The following RASSF8 variants were observed in gnomAD, a reference collection of about 807,000 sequenced individuals.
RASSF8 encodes Ras association domain family member 8.
Under a neutral mutation model 48.5 loss-of-function variants are expected in RASSF8, and 22 were observed. The observed-to-expected ratio is 0.45, with a 90% CI of 0.32 to 0.65. The LOEUF (loss-of-function observed/expected upper bound fraction) is 0.65, where lower values mean the gene tolerates loss of function less well. Among genes scored for constraint, RASSF8 ranks in the 30% least tolerant of loss-of-function variants. The probability of loss-of-function intolerance (pLI) is 0.03; values close to 1 mark genes in which losing one functional copy is unlikely to be tolerated. For missense variants in RASSF8, 418 were observed against 489.2 expected (o/e 0.85, Z 1.37); for synonymous variants, 127 against 171.5 (o/e 0.74, Z 2.03).
Position 26,070,214 on chromosome 12 carries a change from G to A in RASSF8, c.*1396G>A. 1 of 968,622 alleles carries A rather than the reference G, an allele frequency of 1.0e-6. No individual in the cohort carries two copies. Among genetic ancestry groups the A allele is most frequent in the Non-Finnish European group, 1.2e-6 (1 of 814,686 alleles). 60.0% of individuals were successfully genotyped at this position (968,622 alleles called of 1,614,324 possible). A position where few individuals can be genotyped will look rare whatever the true frequency, so the allele number is the denominator to read the frequency against. On this transcript the variant is annotated 3_prime_UTR_variant, in exon 6 of 6. Coordinates refer to ENST00000689635, the MANE Select transcript of RASSF8 (RefSeq NM_001394098.1). ...ATTTACATGCAACAAAATAAAAGTG[G>A]ATTAATATAGTAATGCCATGGTAAC...
chr12:26,074,068 A>G (rs546434802), downstream of RASSF8, among the ~76,000 whole-genome samples: 8 of 152,266 alleles, frequency 5.3e-5, no homozygotes, highest in East Asian at 7.7e-4. Context: ...CAAAATACCA[A>G]TAAGTCCTAG....
downstream of RASSF8, among the ~76,000 whole-genome samples, chr12:26,074,639 G>A (rs1197769929): frequency 1.3e-5 from 2 of 151,984 alleles, no homozygotes; most frequent in Admixed American, 6.6e-5. Flanking sequence ...CACTGCACCT[G>A]GCCGGTTTAC....
intron 1 of RASSF8, among the ~76,000 whole-genome samples, chr12:25,978,158 T>A (rs1257928034): frequency 3.3e-5 from 5 of 152,162 alleles, no homozygotes; most frequent in Non-Finnish European, 4.4e-5. Context: ...CACAATTTTT[T>A]AAAAAACCAT....
At chr12:26,020,903 A>T (rs74330123) in intron 2 of RASSF8, among the ~76,000 whole-genome samples, 9,805 of 152,270 alleles carry the variant, frequency 0.064, 359 homozygotes, top group Middle Eastern at 0.13. Flanking sequence ...GTAAAACAAC[A>T]TGTGTATCTT....
At position 26,064,518 on chromosome 12, in the gene RASSF8, C is replaced by T; in HGVS notation, c.124C>T (p.Leu42Phe). ...CATAGGTCGAACTGGAAGGTACACC[C>T]TTATAGAGAAATGGAGAGATACTGA... is the stretch of plus-strand genomic sequence containing the variant. ...QAIGRTGRYT[L>F]IEKWRDTERH... The change falls in exon 4 of 6, where the codon CTT becomes TTT. Residue 42 changes from leucine to phenylalanine, a missense_variant. Physicochemically the swap from Leu to Phe is conservative, Grantham distance 22. Transcript: ENST00000689635. The T allele has an allele frequency of 6.3e-7, 1 of 1,593,536 alleles. No individual in the cohort carries two copies. The highest frequency in any genetic ancestry group is 8.6e-7 in the Non-Finnish European group (1 of 1,168,016).
chr12:26,073,746 TATACACACA>T (rs1944040583), downstream of RASSF8, among the ~76,000 whole-genome samples: 2 of 46,346 alleles, frequency 4.3e-5, no homozygotes, highest in South Asian at 1.3e-3. Flanking sequence ...TCTCTCTCTC[TATACACACA>T]CACACACACA....
intron 3 of RASSF8, among the ~76,000 whole-genome samples, chr12:26,056,499 T>C (rs1943605650): frequency 6.6e-6 from 1 of 152,204 alleles, no homozygotes; most frequent in Non-Finnish European, 1.5e-5. Context: ...TTATCAAAAG[T>C]TGATTTTATG....
In RASSF8 at chr12:25,999,021, GGCT is replaced by G. The variant is rs373521088; in HGVS notation, c.-109+3892_-109+3894del. On this transcript the variant is annotated intron_variant, in intron 2 of 5. Transcript: ENST00000689635. ...TTGAGGATCTGTTATTTGCCAGGTA[GGCT>G]TAAACAATAAACAAGACAAAGACCT... is the stretch of plus-strand genomic sequence containing the variant. 5.9e-4 allele frequency among the ~76,000 whole-genome samples: 89 copies of G among 152,100 alleles called. 1 individual carries two copies. The highest frequency in any genetic ancestry group is 2.1e-3 in the African/African-American group (88 of 41,462).
chr12:26,049,851 T>C lies in RASSF8; in HGVS notation c.-108-5385T>C, dbSNP rs749337823. Among the ~76,000 whole-genome samples the C allele has an allele frequency of 3.9e-5, 6 of 152,234 alleles. No homozygotes were observed. The South Asian group carries it at 8.3e-4, about 21-fold the overall frequency. On this transcript the variant is annotated intron_variant, in intron 2 of 5. Coordinates refer to ENST00000689635, the MANE Select transcript of RASSF8 (RefSeq NM_001394098.1). ...CAGGCTGGAGTGCAATAGTGTGATA[T>C]CTGCTCACTGCAAGCTCCGCCTCCC...
intron 1 of RASSF8, among the ~76,000 whole-genome samples, chr12:25,959,981 A>C (rs1474444572): frequency 1.3e-5 from 2 of 152,136 alleles, no homozygotes; most frequent in Non-Finnish European, 2.9e-5. Flanking sequence ...ATGAATGCAA[A>C]TCACGTCTCA....
At chr12:26,038,285 C>T (rs79792524) in intron 2 of RASSF8, among the ~76,000 whole-genome samples, 4,554 of 152,168 alleles carry the variant, frequency 0.03, 97 homozygotes, top group Middle Eastern at 0.051. Context: ...ACAATGAAGA[C>T]CACAAAAATA....
In RASSF8 at chr12:26,072,429, T is replaced by G; in HGVS notation, c.*3611T>G. On this transcript the variant is annotated 3_prime_UTR_variant, in exon 6 of 6. Transcript: ENST00000689635. ...GCTGCAGGAGCTCTTTTCAATGCAT[T>G]TTATATATTTTTAGAAACCAAATAA... The G allele has an allele frequency of 1.0e-6, 1 of 975,604 alleles. No homozygotes were observed. Among genetic ancestry groups the G allele is most frequent in the Non-Finnish European group, 1.2e-6 (1 of 821,040 alleles). The allele number at this position is 975,604 out of a possible 1,614,324, so 60.4% of individuals were successfully genotyped here. A position where few individuals can be genotyped will look rare whatever the true frequency, so the allele number is the denominator to read the frequency against.
intron 2 of RASSF8, among the ~76,000 whole-genome samples, chr12:26,001,494 T>G (rs1032625816): frequency 1.3e-5 from 2 of 152,206 alleles, no homozygotes; most frequent in African/African-American, 4.8e-5. Flanking sequence ...ACAAATACAT[T>G]GTACAGCTGT....
chr12:26,014,372 G>A (rs2137035726), intron 2 of RASSF8, among the ~76,000 whole-genome samples: 1 of 152,254 alleles, frequency 6.6e-6, no homozygotes, highest in Non-Finnish European at 1.5e-5. Context: ...AAACGTATGT[G>A]CTATCCTTGG....
At chr12:25,970,536 T>C (rs1941461810) in intron 1 of RASSF8, among the ~76,000 whole-genome samples, 1 of 152,200 alleles carries the variant, frequency 6.6e-6, no homozygotes, top group African/African-American at 2.4e-5. Context: ...TTGTTTCCTC[T>C]TAACTGGTCT....
intron 2 of RASSF8, chr12:26,020,217 A>G (rs1487104810): frequency 6.6e-6 from 1 of 152,224 alleles, no homozygotes; most frequent in Non-Finnish European, 1.5e-5. Flanking sequence ...ACGTGGTCAC[A>G]AGCCAAGGAA....
intron 1 of RASSF8, among the ~76,000 whole-genome samples, chr12:25,987,847 ATTAT>A (rs1001105972): frequency 6.6e-6 from 1 of 151,724 alleles, no homozygotes; most frequent in African/African-American, 2.4e-5. Flanking sequence ...TTGGTTTTTT[ATTAT>A]TTATTTATTT....
downstream of RASSF8, among the ~76,000 whole-genome samples, chr12:26,073,770 CACACACAT>C (rs1405586675): frequency 1.5e-4 from 21 of 136,340 alleles, no homozygotes; most frequent in African/African-American, 5.6e-4. Context: ...CACACACACA[CACACACAT>C]ATATATATAC....
intron 2 of RASSF8, among the ~76,000 whole-genome samples, chr12:26,031,944 G>T (rs1397284433): frequency 1.3e-5 from 2 of 152,056 alleles, no homozygotes; most frequent in Non-Finnish European, 1.5e-5. Context: ...CATCATGTTA[G>T]TTACTTTGAT....
Sources: gnomAD v4.1 joint callset for allele counts (sites outside exome capture counted in the v4.1 genomes callset) on GRCh38, gnomAD v4.1.1 for gene constraint, MANE v1.5 for transcripts, NCBI Gene and HGNC (gene_info 2026-07-23, HGNC 2026-07-21) for gene names.